YAF2: variants seen among roughly 807,000 people sequenced by gnomAD.
The protein encoded by YAF2 is YY1-associated factor 2.
In YAF2, 7 loss-of-function variants were observed where a neutral mutation model predicts 20.1. The ratio of observed to expected loss-of-function variants is 0.35; its 90% CI spans 0.20 to 0.65. The LOEUF is 0.65. Among genes scored for constraint, YAF2 ranks in the 30% least tolerant of loss-of-function variants. The probability of loss-of-function intolerance (pLI) is 0.69; values close to 1 mark genes in which losing one functional copy is unlikely to be tolerated. For synonymous variants in YAF2, 74 were observed against 76.0 expected (o/e 0.97, Z 0.14); for missense variants, 151 against 219.2 (o/e 0.69, Z 1.96).
chr12:42,234,438 T>G, intron 2 of YAF2: 4 of 982,186 alleles, frequency 4.1e-6, no homozygotes, highest in Non-Finnish European at 4.8e-6. Flanking sequence ...ATGGGTACAC[T>G]GGAATCCCAA....
chr12:42,228,242 A>T (rs1188574683), intron 2 of YAF2, among the ~76,000 whole-genome samples: 7 of 60,012 alleles, frequency 1.2e-4, no homozygotes, highest in African/African-American at 5.6e-4. Context: ...TCCTGGAGGG[A>T]GGTGGGGGTG....
intron 2 of YAF2, among the ~76,000 whole-genome samples, chr12:42,163,797 G>A (rs2065850896): frequency 6.6e-6 from 1 of 152,170 alleles, no homozygotes; most frequent in Admixed American, 6.5e-5. Context: ...ACTGAAGGTA[G>A]GAGGAACACA....
chr12:42,157,570 A>C lies in YAF2; in HGVS notation c.*3019T>G, dbSNP rs1380554917. ...AGAGGCTACATTCTTTCAGTCTATA[A>C]GGATCTTTATCTAAAAGTTAATAAA... On this transcript the variant is annotated 3_prime_UTR_variant, in exon 4 of 4. Coordinates refer to ENST00000534854, the MANE Select transcript of YAF2 (RefSeq NM_005748.6). 1.3e-5 allele frequency: 2 copies of C among 152,180 alleles called. No homozygotes were observed. The highest frequency in any genetic ancestry group is 1.3e-4 in the Admixed American group (2 of 15,276). 9.4% of individuals were successfully genotyped at this position (152,180 alleles called of 1,614,324 possible).
intron 2 of YAF2, among the ~76,000 whole-genome samples, chr12:42,236,803 CAAG>C (rs1476174041): frequency 6.6e-6 from 1 of 152,164 alleles, no homozygotes; most frequent in Non-Finnish European, 1.5e-5. Flanking sequence ...GTATAAGAAT[CAAG>C]GAGCTCGATA....
chr12:42,160,495 A>C lies in YAF2; in HGVS notation c.*94T>G. The C allele has an allele frequency of 1.1e-6, 1 of 921,758 alleles. No individual in the cohort carries two copies. The highest frequency in any genetic ancestry group is 1.6e-5 in the South Asian group (1 of 62,406). 57.1% of individuals were successfully genotyped at this position (921,758 alleles called of 1,614,324 possible). A position where few individuals can be genotyped will look rare whatever the true frequency, so the allele number is the denominator to read the frequency against. ...AAACTCAAATTATGGATTGTGCATG[A>C]ATGTATCTGTCATGAAAATGTGGTA... On this transcript the variant is annotated 3_prime_UTR_variant, in exon 4 of 4. Transcript: ENST00000534854.
intron 2 of YAF2, among the ~76,000 whole-genome samples, chr12:42,228,655 G>GT (rs1491305580): frequency 1.1e-5 from 1 of 92,546 alleles, no homozygotes. Context: ...CGGGAGGGAG[G>GT]TGGGGGGGGG....
intron 2 of YAF2, chr12:42,234,143 C>T (rs2137435763): frequency 1.1e-6 from 1 of 931,210 alleles, no homozygotes; most frequent in African/African-American, 1.8e-5. Context: ...TGTACTCCAG[C>T]CTGGGCGACA....
At chr12:42,182,877 T>C (rs907043514) in intron 2 of YAF2, among the ~76,000 whole-genome samples, 1 of 152,218 alleles carries the variant, frequency 6.6e-6, no homozygotes, top group Non-Finnish European at 1.5e-5. Flanking sequence ...TTGAATAGCA[T>C]GAACACAAGA....
intron 2 of YAF2, among the ~76,000 whole-genome samples, chr12:42,230,956 T>C (rs1265836111): frequency 6.6e-6 from 1 of 152,152 alleles, no homozygotes; most frequent in African/African-American, 2.4e-5. Context: ...ACTAGGATAT[T>C]AGTTATCAGG....
At chr12:42,205,113 T>C (rs1261231779) in intron 2 of YAF2, among the ~76,000 whole-genome samples, 2 of 151,652 alleles carry the variant, frequency 1.3e-5, no homozygotes, top group African/African-American at 4.8e-5. Context: ...TCAATTTCTT[T>C]AATGGTTTTT....
intron 2 of YAF2, among the ~76,000 whole-genome samples, chr12:42,192,425 C>T (rs2066638721): frequency 6.6e-6 from 1 of 152,078 alleles, no homozygotes; most frequent in Admixed American, 6.5e-5. Context: ...GATAGGATCA[C>T]TTGAGCCTGG....
Position 42,185,698 on chromosome 12 carries a change from C to T in YAF2, c.153-23933G>A, listed in dbSNP as rs185837619. Among the ~76,000 whole-genome samples, 5 of 152,244 alleles carry T rather than the reference C, an allele frequency of 3.3e-5. No individual in the cohort carries two copies. In the East Asian group the frequency reaches 7.7e-4, roughly 23 times the overall value. On this transcript the variant is annotated intron_variant, in intron 2 of 3. Transcript: ENST00000534854. ...TCAGATGGTCATTTGAATTTTTTAG[C>T]TATATTTTAAATTAAGGTATATACA...
intron 2 of YAF2, among the ~76,000 whole-genome samples, chr12:42,195,393 G>A (rs539224454): frequency 3.3e-5 from 5 of 152,182 alleles, no homozygotes; most frequent in Admixed American, 1.3e-4. Context: ...GGAAACAAAT[G>A]CCAAATACTA....
intron 2 of YAF2, among the ~76,000 whole-genome samples, chr12:42,236,455 G>A (rs1191894648): frequency 6.6e-6 from 1 of 152,138 alleles, no homozygotes; most frequent in Admixed American, 6.5e-5. Flanking sequence ...AGCATATGAT[G>A]ATTTACAAAA....
chr12:42,214,346 A>G (rs980468622), intron 2 of YAF2, among the ~76,000 whole-genome samples: 1 of 152,102 alleles, frequency 6.6e-6, no homozygotes, highest in Admixed American at 6.6e-5. Context: ...ATCTCAGCTC[A>G]CTGCAACCTC....
chr12:42,197,928 TCA>T (rs1480558762), intron 2 of YAF2, among the ~76,000 whole-genome samples: 1 of 152,084 alleles, frequency 6.6e-6, no homozygotes, highest in Non-Finnish European at 1.5e-5. Flanking sequence ...AAATATTAAG[TCA>T]CATATGTTAT....
At chr12:42,188,209 A>G (rs2066522874) in intron 2 of YAF2, among the ~76,000 whole-genome samples, 1 of 152,172 alleles carries the variant, frequency 6.6e-6, no homozygotes, top group Admixed American at 6.5e-5. Context: ...GGAAAGGGGA[A>G]TACAGAAGAG....
At chr12:42,231,187 A>C (rs1229164233) in intron 2 of YAF2, 3 of 152,168 alleles carry the variant, frequency 2.0e-5, no homozygotes, top group Non-Finnish European at 4.4e-5. Flanking sequence ...AAATCTAAAT[A>C]TATTAGTTCA....
chr12:42,201,522 A>G (rs12313898), intron 2 of YAF2, among the ~76,000 whole-genome samples: 2,285 of 151,836 alleles, frequency 0.015, 54 homozygotes, highest in African/African-American at 0.053. Context: ...TATTAAAGAC[A>G]TTGTGTGTGT....
Sources: gnomAD v4.1 joint callset for allele counts (sites outside exome capture counted in the v4.1 genomes callset) on GRCh38, gnomAD v4.1.1 for gene constraint, MANE v1.5 for transcripts, NCBI Gene and HGNC (gene_info 2026-07-23, HGNC 2026-07-21) for gene names.